The following NKAIN2 variants were observed in gnomAD, a reference collection of about 807,000 sequenced individuals.
The protein encoded by NKAIN2 is sodium/potassium-transporting ATPase subunit beta-1-interacting protein 2.
In NKAIN2, 14 loss-of-function variants were observed where a neutral mutation model predicts 32.6. The observed-to-expected ratio is 0.43, with a 90% CI of 0.28 to 0.67. The LOEUF (loss-of-function observed/expected upper bound fraction) is 0.67, where lower values mean the gene tolerates loss of function less well. Among genes scored for constraint, NKAIN2 ranks in the 30% least tolerant of loss-of-function variants. NKAIN2 has a pLI of 0.17. For missense variants in NKAIN2, 198 were observed against 258.3 expected (o/e 0.77, Z 1.60); for synonymous variants, 80 against 87.2 (o/e 0.92, Z 0.46).
chr6:124,114,170 T>C (rs1215772466), intron 1 of NKAIN2, among the ~76,000 whole-genome samples: 1 of 152,188 alleles, frequency 6.6e-6, no homozygotes, highest in African/African-American at 2.4e-5. Context: ...TCAGCCTTTT[T>C]AATGTCAGCA....
intron 3 of NKAIN2, among the ~76,000 whole-genome samples, chr6:124,380,345 A>G (rs1177567949): frequency 1.3e-5 from 2 of 152,198 alleles, no homozygotes; most frequent in South Asian, 2.1e-4. Flanking sequence ...CAGCAAGACA[A>G]TATTTCCTAG....
At chr6:124,080,620 TAAAAGG>T (rs1192857073) in intron 1 of NKAIN2, among the ~76,000 whole-genome samples, 3 of 151,970 alleles carry the variant, frequency 2.0e-5, no homozygotes, top group African/African-American at 4.8e-5. Context: ...ATTTCCCAAT[TAAAAGG>T]AAAAGGAAAA....
intron 1 of NKAIN2, among the ~76,000 whole-genome samples, chr6:124,138,585 C>A (rs1786956301): frequency 6.8e-6 from 1 of 146,130 alleles, no homozygotes; most frequent in South Asian, 2.2e-4. Flanking sequence ...ATGAAACTAA[C>A]CTAAAAGCCC....
At chr6:124,605,230 T>C (rs898206965) in intron 3 of NKAIN2, among the ~76,000 whole-genome samples, 1 of 152,106 alleles carries the variant, frequency 6.6e-6, no homozygotes, top group Non-Finnish European at 1.5e-5. Context: ...TGGTTGTTGT[T>C]ACTTTTATTC....
At chr6:124,028,189 C>T (rs995285666) in intron 1 of NKAIN2, among the ~76,000 whole-genome samples, 11 of 152,184 alleles carry the variant, frequency 7.2e-5, no homozygotes, top group African/African-American at 2.6e-4. Context: ...AAAACCTTCA[C>T]AGAGGTTTCA....
intron 2 of NKAIN2, among the ~76,000 whole-genome samples, chr6:124,324,776 T>C (rs1797346225): frequency 6.6e-6 from 1 of 152,074 alleles, no homozygotes. Flanking sequence ...TCTTAAATCA[T>C]GAATTAGTGC....
At chr6:124,581,166 G>T (rs181443525) in intron 3 of NKAIN2, among the ~76,000 whole-genome samples, 2 of 152,100 alleles carry the variant, frequency 1.3e-5, no homozygotes, top group African/African-American at 4.8e-5. Flanking sequence ...TGGGCCGGGC[G>T]CGGTGGCTCA....
chr6:124,019,035 C>T (rs528223233), intron 1 of NKAIN2, among the ~76,000 whole-genome samples: 1 of 152,276 alleles, frequency 6.6e-6, no homozygotes, highest in South Asian at 2.1e-4. Flanking sequence ...AAAGGCATGT[C>T]TTCCATGGTG....
chr6:124,173,959 G>A (rs1002214796), intron 1 of NKAIN2, among the ~76,000 whole-genome samples: 9 of 152,028 alleles, frequency 5.9e-5, no homozygotes, highest in South Asian at 2.1e-4. Context: ...TTTTCATGCC[G>A]AAGGATACTG....
At chr6:124,439,407 G>C (rs565721593) in intron 3 of NKAIN2, among the ~76,000 whole-genome samples, 70 of 151,250 alleles carry the variant, frequency 4.6e-4, no homozygotes, top group Non-Finnish European at 7.8e-4. Flanking sequence ...TTGGGTGGAC[G>C]ACTACACGGG....
intron 4 of NKAIN2, among the ~76,000 whole-genome samples, chr6:124,689,442 A>G (rs1005928068): frequency 6.6e-6 from 1 of 152,086 alleles, no homozygotes; most frequent in Admixed American, 6.6e-5. Context: ...TTTTTCACAG[A>G]GCACAAAGTT....
At chr6:124,218,926 G>A (rs1458830246) in intron 1 of NKAIN2, among the ~76,000 whole-genome samples, 2 of 152,172 alleles carry the variant, frequency 1.3e-5, no homozygotes, top group Non-Finnish European at 2.9e-5. Context: ...AGCAGGGGAG[G>A]CCTCAGGAAA....
intron 3 of NKAIN2, among the ~76,000 whole-genome samples, chr6:124,552,974 T>C (rs1780345407): frequency 6.6e-6 from 1 of 152,110 alleles, no homozygotes; most frequent in African/African-American, 2.4e-5. Flanking sequence ...AAACAAAAGG[T>C]TTTTTTAATC....
At chr6:124,115,640 T>C (rs1785573424) in intron 1 of NKAIN2, among the ~76,000 whole-genome samples, 1 of 152,116 alleles carries the variant, frequency 6.6e-6, no homozygotes, top group Non-Finnish European at 1.5e-5. Flanking sequence ...TAATCAGCAA[T>C]GTAATCCTTA....
chr6:124,507,945 A>G (rs1778552140), intron 3 of NKAIN2, among the ~76,000 whole-genome samples: 1 of 152,158 alleles, frequency 6.6e-6, no homozygotes, highest in African/African-American at 2.4e-5. Flanking sequence ...AACACATACT[A>G]ACAAACAGGT....
At position 123,852,469 on chromosome 6, in the gene NKAIN2, C is replaced by A. The variant is rs79169869; in HGVS notation, c.54+48215C>A. Among the ~76,000 whole-genome samples, 490 of 152,224 alleles carry A rather than the reference C, an allele frequency of 3.2e-3. 5 individuals carry two copies. The highest frequency in any genetic ancestry group is 0.012 in the African/African-American group (481 of 41,536). On this transcript the variant is annotated intron_variant, in intron 1 of 6. Transcript: ENST00000368417. ...TCTCCCCAACCTCCACTGTTTTACT[C>A]TCTAACTACTACATGATCCAGCAAT...
chr6:124,690,186 T>G (rs1186631584), intron 4 of NKAIN2, among the ~76,000 whole-genome samples: 1 of 152,156 alleles, frequency 6.6e-6, no homozygotes, highest in Non-Finnish European at 1.5e-5. Context: ...TTTATTCCTA[T>G]GTATTTCATT....
chr6:124,504,791 A>G (rs1380586281), intron 3 of NKAIN2, among the ~76,000 whole-genome samples: 2 of 152,200 alleles, frequency 1.3e-5, no homozygotes, highest in African/African-American at 2.4e-5. Flanking sequence ...GGTGGTTTAA[A>G]TATTTTTTGC....
At chr6:124,173,691 T>C (rs908740589) in intron 1 of NKAIN2, among the ~76,000 whole-genome samples, 1 of 152,138 alleles carries the variant, frequency 6.6e-6, no homozygotes, top group Admixed American at 6.5e-5. Flanking sequence ...TATTATTTTA[T>C]CTTGTTTTCT....
Sources: gnomAD v4.1 joint callset for allele counts (sites outside exome capture counted in the v4.1 genomes callset) on GRCh38, gnomAD v4.1.1 for gene constraint, MANE v1.5 for transcripts, NCBI Gene and HGNC (gene_info 2026-07-23, HGNC 2026-07-21) for gene names.